EDIL3: variants seen among roughly 807,000 people sequenced by gnomAD.
EDIL3 encodes the protein EGF-like repeat and discoidin I-like domain-containing protein 3.
EDIL3 carries 37 observed loss-of-function variants against 67.4 expected under a neutral mutation model. The ratio of observed to expected loss-of-function variants is 0.55; its 90% CI spans 0.42 to 0.72. The LOEUF (loss-of-function observed/expected upper bound fraction) is 0.72. Ranked by LOEUF, EDIL3 falls within the 30% of genes least tolerant of loss-of-function variation. EDIL3 has a pLI of 0.00. For synonymous variants in EDIL3, 195 were observed against 196.3 expected, an observed-to-expected ratio of 0.99 and a Z score of 0.05; for missense variants, 527 against 586.3, an observed-to-expected ratio of 0.90 and a Z score of 1.04.
At chr5:84,139,237 G>A (rs1407642516) in intron 4 of EDIL3, among the ~76,000 whole-genome samples, 9 of 150,996 alleles carry the variant, frequency 6.0e-5, no homozygotes, top group East Asian at 3.9e-4. Flanking sequence ...ACTCTGTCTC[G>A]GGGGAAAAAA....
intron 1 of EDIL3, among the ~76,000 whole-genome samples, chr5:84,361,916 T>A (rs1297372778): frequency 6.6e-6 from 1 of 152,056 alleles, no homozygotes; most frequent in Non-Finnish European, 1.5e-5. Flanking sequence ...CATAATAGTC[T>A]AATAACCCAA....
chr5:84,087,252 T>C (rs543635987), intron 6 of EDIL3, among the ~76,000 whole-genome samples: 1 of 152,364 alleles, frequency 6.6e-6, no homozygotes, highest in South Asian at 2.1e-4. Flanking sequence ...ACATCCTTTG[T>C]ATAATCTTCA....
intron 5 of EDIL3, among the ~76,000 whole-genome samples, chr5:84,124,203 G>A (rs748490794): frequency 7.2e-5 from 11 of 151,822 alleles, no homozygotes; most frequent in African/African-American, 1.9e-4. Context: ...CTATTTTACC[G>A]ACAAATTTTA....
chr5:84,354,571 T>C (rs994187129), intron 1 of EDIL3, among the ~76,000 whole-genome samples: 1 of 150,976 alleles, frequency 6.6e-6, no homozygotes, highest in African/African-American at 2.4e-5. Context: ...GCAGGAGAAT[T>C]GCTTGAACCT....
At chr5:84,166,248 T>A (rs566257919) in intron 4 of EDIL3, among the ~76,000 whole-genome samples, 1 of 152,338 alleles carries the variant, frequency 6.6e-6, no homozygotes, top group Admixed American at 6.5e-5. Context: ...TCAACTTATT[T>A]GGCCATGGGC....
chr5:84,226,757 C>T (rs945818673), intron 3 of EDIL3, among the ~76,000 whole-genome samples: 1 of 151,690 alleles, frequency 6.6e-6, no homozygotes, highest in African/African-American at 2.4e-5. Flanking sequence ...AAAATCTATG[C>T]TAAAATCACA....
intron 10 of EDIL3, among the ~76,000 whole-genome samples, chr5:83,944,517 G>A (rs775813460): frequency 6.6e-6 from 1 of 150,888 alleles, no homozygotes; most frequent in Non-Finnish European, 1.5e-5. Flanking sequence ...TAAAACACTG[G>A]GTCCCTGATA....
chr5:83,990,181 A>T (rs1248193507), intron 9 of EDIL3, among the ~76,000 whole-genome samples: 1 of 152,140 alleles, frequency 6.6e-6, no homozygotes, highest in African/African-American at 2.4e-5. Context: ...ATAATTTGTT[A>T]TGCAGCATTA....
At chr5:84,369,320 A>T (rs1477751185) in intron 1 of EDIL3, among the ~76,000 whole-genome samples, 1 of 152,038 alleles carries the variant, frequency 6.6e-6, no homozygotes, top group Non-Finnish European at 1.5e-5. Flanking sequence ...ACAAGGGAAT[A>T]GTATACTATT....
chr5:84,025,995 T>C (rs1745803338), intron 9 of EDIL3, among the ~76,000 whole-genome samples: 3 of 152,184 alleles, frequency 2.0e-5, no homozygotes, highest in South Asian at 4.2e-4. Flanking sequence ...AAATATGACA[T>C]AAATTTGGTT....
intron 1 of EDIL3, among the ~76,000 whole-genome samples, chr5:84,371,448 TATAGAGAGAGAG>T (rs1248314875): frequency 0.01 from 961 of 93,236 alleles, 6 homozygotes; most frequent in African/African-American, 0.046. Flanking sequence ...TATATATATA[TATAGAGAGAGAG>T]AGAGAGAGAG....
chr5:84,342,631 A>G (rs777079586), intron 1 of EDIL3, among the ~76,000 whole-genome samples: 2 of 152,060 alleles, frequency 1.3e-5, no homozygotes, highest in African/African-American at 4.8e-5. Context: ...ATTTAAACGT[A>G]ACAGCCTTTC....
At chr5:84,038,527 CTA>C (rs1274371489) in intron 9 of EDIL3, among the ~76,000 whole-genome samples, 2 of 152,220 alleles carry the variant, frequency 1.3e-5, no homozygotes, top group African/African-American at 4.8e-5. Flanking sequence ...AGATGCCTGA[CTA>C]TGTATTTGCA....
chr5:84,099,577 T>C, intron 6 of EDIL3, among the ~76,000 whole-genome samples: 1 of 147,976 alleles, frequency 6.8e-6, no homozygotes, highest in Non-Finnish European at 1.5e-5. Flanking sequence ...AAAAATTAAC[T>C]CAAGATGGAT....
At chr5:84,156,894 AC>A (rs1748501787) in intron 4 of EDIL3, among the ~76,000 whole-genome samples, 1 of 152,140 alleles carries the variant, frequency 6.6e-6, no homozygotes, top group Non-Finnish European at 1.5e-5. Context: ...TCTTTCTTCA[AC>A]ATATATTCAT....
intron 3 of EDIL3, among the ~76,000 whole-genome samples, chr5:84,226,200 G>T (rs1744449853): frequency 6.6e-6 from 1 of 151,538 alleles, no homozygotes; most frequent in Non-Finnish European, 1.5e-5. Flanking sequence ...AAACAAAATG[G>T]TGAAATAACA....
intron 1 of EDIL3, among the ~76,000 whole-genome samples, chr5:84,357,887 C>CA (rs140686250): frequency 0.44 from 34,507 of 78,874 alleles, 7,180 homozygotes; most frequent in Middle Eastern, 0.54. Context: ...GACTCAGTCT[C>CA]AAAAAAAAAA....
chr5:84,040,258 T>C (rs1405404471), intron 9 of EDIL3, among the ~76,000 whole-genome samples: 1 of 152,170 alleles, frequency 6.6e-6, no homozygotes, highest in East Asian at 1.9e-4. Context: ...GAAAATAGTA[T>C]TCAACACCAT....
intron 4 of EDIL3, among the ~76,000 whole-genome samples, chr5:84,167,331 G>A (rs191214784): frequency 1.5e-3 from 227 of 152,036 alleles, no homozygotes; most frequent in Non-Finnish European, 1.6e-3. Flanking sequence ...GAACAATAGC[G>A]TTCATGAGTT....
Sources: gnomAD v4.1 joint callset for allele counts (sites outside exome capture counted in the v4.1 genomes callset) on GRCh38, gnomAD v4.1.1 for gene constraint, MANE v1.5 for transcripts, NCBI Gene and HGNC (gene_info 2026-07-23, HGNC 2026-07-21) for gene names.